Variants in DPP10 observed in about 807,000 individuals in gnomAD.
DPP10 encodes dipeptidyl peptidase like 10.
Under a neutral mutation model 120.9 loss-of-function variants are expected in DPP10, and 33 were observed. The ratio of observed to expected loss-of-function variants is 0.27; its 90% CI spans 0.21 to 0.37. The LOEUF is 0.37. Among genes scored for constraint, DPP10 ranks in the 10% least tolerant of loss-of-function variants. The probability of loss-of-function intolerance (pLI) is 1.00; values close to 1 mark genes in which losing one functional copy is unlikely to be tolerated. For missense variants in DPP10, 816 were observed against 942.8 expected (o/e 0.87, Z 1.76); for synonymous variants, 337 against 326.1 (o/e 1.03, Z -0.36).
At chr2:115,002,692 T>G (rs1036556598) in intron 1 of DPP10, among the ~76,000 whole-genome samples, 9 of 152,014 alleles carry the variant, frequency 5.9e-5, no homozygotes, top group African/African-American at 1.9e-4. Flanking sequence ...CACTAATAAG[T>G]GAGCAAAGAA....
chr2:115,839,405 G>T (rs1392453385), intron 24 of DPP10, among the ~76,000 whole-genome samples: 2 of 152,124 alleles, frequency 1.3e-5, no homozygotes, highest in Non-Finnish European at 2.9e-5. Flanking sequence ...GCTGGGCGCG[G>T]TGGCTCACAC....
At chr2:115,672,732 T>TTC (rs150320127) in intron 5 of DPP10, among the ~76,000 whole-genome samples, 3 of 144,726 alleles carry the variant, frequency 2.1e-5, no homozygotes, top group Non-Finnish European at 4.6e-5. Context: ...CTTTCTCTCT[T>TTC]TCTCTCTCTC....
At position 115,324,657 on chromosome 2, in the gene DPP10, C is replaced by T. The variant is rs562648234; in HGVS notation, c.175+15304C>T. Among the ~76,000 whole-genome samples the T allele has an allele frequency of 2.0e-5, 3 of 152,168 alleles. No homozygotes were observed. In the East Asian group the frequency reaches 5.8e-4, roughly 30 times the overall value. ...AACTTTCTTTATATCAACAATAAGC[C>T]TGTTTTGTTTTTCTATCATTTGTAT... is the stretch of plus-strand genomic sequence containing the variant. On this transcript the variant is annotated intron_variant, in intron 2 of 25. Transcript: ENST00000410059.
At chr2:114,996,980 CA>C (rs34287029) in intron 1 of DPP10, among the ~76,000 whole-genome samples, 3,955 of 66,448 alleles carry the variant, frequency 0.06, 56 homozygotes, top group African/African-American at 0.14. Context: ...GACTCCATCT[CA>C]AAAAAAAAAA....
chr2:115,742,104 T>C (rs1677350379), intron 9 of DPP10, among the ~76,000 whole-genome samples: 1 of 152,190 alleles, frequency 6.6e-6, no homozygotes, highest in African/African-American at 2.4e-5. Flanking sequence ...GTTTGTTTTT[T>C]TCTTATTTGG....
intron 1 of DPP10, among the ~76,000 whole-genome samples, chr2:115,136,275 T>C (rs2050647732): frequency 1.3e-5 from 2 of 152,168 alleles, no homozygotes. Flanking sequence ...GACTCTCCAT[T>C]ACAGAAAATG....
intron 1 of DPP10, among the ~76,000 whole-genome samples, chr2:114,955,092 A>G (rs968839385): frequency 6.6e-6 from 1 of 152,212 alleles, no homozygotes; most frequent in African/African-American, 2.4e-5. Context: ...TAAAGGAATA[A>G]CAGAATGGCT....
In DPP10 at chr2:114,859,022, A is replaced by T. The variant is rs953117888; in HGVS notation, c.60+416184A>T. On this transcript the variant is annotated intron_variant, in intron 1 of 25. Transcript: ENST00000410059. ...ACCTGTGTGTATGCAGTGTCATGAT[A>T]ACTAGTTGAGAAATAAATTATTGGC... Among the ~76,000 whole-genome samples the T allele has an allele frequency of 2.6e-5, 4 of 152,062 alleles. No individual in the cohort carries two copies. In the East Asian group the frequency reaches 7.7e-4, roughly 29 times the overall value.
intron 1 of DPP10, among the ~76,000 whole-genome samples, chr2:114,801,146 C>T (rs1684168123): frequency 6.6e-6 from 1 of 151,230 alleles, no homozygotes; most frequent in African/African-American, 2.4e-5. Context: ...GCCTGTAGTC[C>T]CAGCTACTCG....
chr2:115,167,364 C>T (rs981153602), intron 1 of DPP10, among the ~76,000 whole-genome samples: 3 of 151,284 alleles, frequency 2.0e-5, no homozygotes, highest in Non-Finnish European at 4.4e-5. Context: ...TCTAGACCAG[C>T]GTGGGCAACG....
intron 1 of DPP10, among the ~76,000 whole-genome samples, chr2:115,075,706 T>A (rs1707730405): frequency 2.4e-5 from 1 of 41,942 alleles, no homozygotes; most frequent in Non-Finnish European, 6.4e-5. Context: ...AATGGTGAAC[T>A]TTTTTTTTTT....
chr2:115,263,009 G>A (rs2059318923), intron 1 of DPP10, among the ~76,000 whole-genome samples: 1 of 152,134 alleles, frequency 6.6e-6, no homozygotes, highest in Non-Finnish European at 1.5e-5. Flanking sequence ...GCACAGTAAT[G>A]ATTAAATGAG....
At chr2:114,950,314 G>C (rs1469825447) in intron 1 of DPP10, among the ~76,000 whole-genome samples, 2 of 20,002 alleles carry the variant, frequency 1.0e-4, no homozygotes, top group African/African-American at 1.8e-4. Flanking sequence ...TTTTTTTTTT[G>C]AGAGGGAGTC....
intron 1 of DPP10, among the ~76,000 whole-genome samples, chr2:115,226,536 CAT>C (rs1224351263): frequency 6.6e-6 from 1 of 152,150 alleles, no homozygotes; most frequent in Non-Finnish European, 1.5e-5. Context: ...CAGTTATCCA[CAT>C]AGTCAAGTAA....
chr2:114,607,371 T>C (rs573204026), intron 1 of DPP10, among the ~76,000 whole-genome samples: 1 of 152,300 alleles, frequency 6.6e-6, no homozygotes, highest in East Asian at 1.9e-4. Flanking sequence ...TGGGTGTTTA[T>C]GTGCCTATGT....
chr2:114,698,290 G>A (rs1700184717), intron 1 of DPP10, among the ~76,000 whole-genome samples: 6 of 151,972 alleles, frequency 3.9e-5, no homozygotes, highest in Admixed American at 3.9e-4. Flanking sequence ...AAAAATGGAG[G>A]CCTCTTGCCT....
At chr2:115,433,326 A>G (rs1473774964) in intron 3 of DPP10, among the ~76,000 whole-genome samples, 1 of 151,984 alleles carries the variant, frequency 6.6e-6, no homozygotes, top group African/African-American at 2.4e-5. Flanking sequence ...TCAATTAAAA[A>G]CCATTGAAGA....
intron 5 of DPP10, among the ~76,000 whole-genome samples, chr2:115,586,549 G>A (rs1242584101): frequency 2.0e-5 from 3 of 152,132 alleles, no homozygotes; most frequent in Non-Finnish European, 4.4e-5. Flanking sequence ...TGTTTCTTCT[G>A]TATTTCATTC....
intron 3 of DPP10, among the ~76,000 whole-genome samples, chr2:115,408,225 G>C (rs183570967): frequency 6.6e-6 from 1 of 152,200 alleles, no homozygotes; most frequent in Non-Finnish European, 1.5e-5. Context: ...GACAGGAACA[G>C]GAACTTTCCC....
Sources: gnomAD v4.1 joint callset for allele counts (sites outside exome capture counted in the v4.1 genomes callset) on GRCh38, gnomAD v4.1.1 for gene constraint, MANE v1.5 for transcripts, NCBI Gene and HGNC (gene_info 2026-07-23, HGNC 2026-07-21) for gene names.